The following ATP8B1 variants were observed in gnomAD, a reference collection of about 807,000 sequenced individuals.
The protein encoded by ATP8B1 is phospholipid-transporting ATPase IC.
In ATP8B1, 80 loss-of-function variants were observed where a neutral mutation model predicts 149.9. That is an observed-to-expected ratio of 0.53 (90% CI 0.45 to 0.64). The LOEUF (loss-of-function observed/expected upper bound fraction) is 0.64. Ranked by LOEUF, ATP8B1 falls within the 30% of genes least tolerant of loss-of-function variation. The pLI, the probability that ATP8B1 is intolerant of heterozygous loss-of-function variation, is 0.00. For missense variants in ATP8B1, 1,247 were observed against 1,552.6 expected (o/e 0.80, Z 3.31); for synonymous variants, 536 against 562.8 (o/e 0.95, Z 0.67).
At chr18:57,726,776 G>T (rs2079712880) in intron 2 of ATP8B1, among the ~76,000 whole-genome samples, 1 of 152,128 alleles carries the variant, frequency 6.6e-6, no homozygotes, top group South Asian at 2.1e-4. Context: ...TGTTGCCCAA[G>T]ATCTTAAAAA....
chr18:57,770,512 G>A (rs2080255126), intron 1 of ATP8B1, among the ~76,000 whole-genome samples: 1 of 152,220 alleles, frequency 6.6e-6, no homozygotes, highest in Non-Finnish European at 1.5e-5. Flanking sequence ...GAGACACAAG[G>A]CTCCTTTCTC....
chr18:57,669,271 AT>A (rs1568187485), intron 18 of ATP8B1, 46 bp downstream of exon 18: 1 of 1,535,608 alleles, frequency 6.5e-7, no homozygotes, highest in South Asian at 1.2e-5. Context: ...AAAAATTTCA[AT>A]TCTGCTTAGA....
intron 1 of ATP8B1, among the ~76,000 whole-genome samples, chr18:57,767,512 G>T (rs981974411): frequency 1.3e-5 from 2 of 152,192 alleles, no homozygotes; most frequent in Non-Finnish European, 2.9e-5. Flanking sequence ...TTTGGGCCAG[G>T]CTCGGTGGCT....
intron 1 of ATP8B1, among the ~76,000 whole-genome samples, chr18:57,758,310 A>T (rs2080105181): frequency 7.2e-6 from 1 of 138,240 alleles, no homozygotes. Context: ...AATCGACTTT[A>T]CTGTTTTCTG....
chr18:57,695,752 T>C (rs1912776725), intron 8 of ATP8B1, among the ~76,000 whole-genome samples: 1 of 152,238 alleles, frequency 6.6e-6, no homozygotes, highest in Non-Finnish European at 1.5e-5. Flanking sequence ...TTCCCTTCAC[T>C]GTTTGTTGTT....
intron 1 of ATP8B1, among the ~76,000 whole-genome samples, chr18:57,799,704 C>CAAA (rs4059219): frequency 1.8e-5 from 2 of 111,004 alleles, no homozygotes; most frequent in Non-Finnish European, 3.9e-5. Context: ...GACTCTGTCT[C>CAAA]AAAAAAAAAA....
At chr18:57,779,522 T>C (rs2080339267) in intron 1 of ATP8B1, among the ~76,000 whole-genome samples, 1 of 152,214 alleles carries the variant, frequency 6.6e-6, no homozygotes, top group Admixed American at 6.5e-5. Context: ...TAGCCTAATG[T>C]TCACTTTTTA....
chr18:57,712,526 C>T (rs1054403039), intron 2 of ATP8B1, among the ~76,000 whole-genome samples: 3 of 152,030 alleles, frequency 2.0e-5, no homozygotes, highest in Non-Finnish European at 2.9e-5. Context: ...ACCTCGTCAC[C>T]GAGGGCCAAA....
At chr18:57,731,580 C>T in intron 2 of ATP8B1, 47 bp downstream of exon 2, 20 of 1,602,352 alleles carry the variant, frequency 1.2e-5, no homozygotes, top group Non-Finnish European at 1.7e-5. Flanking sequence ...CCATGACCCA[C>T]ATGAGGATTT....
intron 1 of ATP8B1, among the ~76,000 whole-genome samples, chr18:57,794,346 A>G (rs2080490417): frequency 6.6e-6 from 1 of 151,656 alleles, no homozygotes; most frequent in African/African-American, 2.4e-5. Context: ...ATACCAGGAC[A>G]CCTATAAGCA....
In ATP8B1 at chr18:57,661,218, G is replaced by A. The variant is rs540027832; in HGVS notation, c.2663C>T (p.Thr888Met). 5 of 1,614,006 alleles carry A rather than the reference G, an allele frequency of 3.1e-6. No individual in the cohort carries two copies. Among genetic ancestry groups the A allele is most frequent in the Admixed American group, 1.7e-5 (1 of 60,006 alleles). Residue 888 changes from threonine (T) to methionine (M), a missense_variant, in exon 22 of 28, where the codon ACG (threonine) becomes ATG (methionine). Coordinates refer to ENST00000648908, the MANE Select transcript of ATP8B1 (RefSeq NM_001374385.1). ...DLVKRYKKAI[T>M]LAIGDGANDV... is the part of the protein sequence containing the mutation. ...ATTGGCCCCATCTCCGATGGCCAGC[G>A]TGATGGCTTTCTTGTACCTCTTCAC...
chr18:57,786,142 G>A (rs1420769450), intron 1 of ATP8B1, among the ~76,000 whole-genome samples: 1 of 152,180 alleles, frequency 6.6e-6, no homozygotes, highest in Admixed American at 6.5e-5. Context: ...TGGGGGCTGA[G>A]CTACAACATG....
intron 1 of ATP8B1, among the ~76,000 whole-genome samples, chr18:57,774,188 C>A (rs1157000488): frequency 6.6e-6 from 1 of 151,758 alleles, no homozygotes; most frequent in Admixed American, 6.6e-5. Context: ...ACTGTCCTAG[C>A]TCTAATGTCA....
At chr18:57,701,932 A>T (rs1913149749) in intron 4 of ATP8B1, among the ~76,000 whole-genome samples, 1 of 152,144 alleles carries the variant, frequency 6.6e-6, no homozygotes, top group Admixed American at 6.5e-5. Flanking sequence ...TCCTGACCTC[A>T]GGCAATCCTC....
Position 57,802,277 on chromosome 18 carries a change from C to T in ATP8B1, c.-26+721G>A, listed in dbSNP as rs1302024596. ...CCTCGTGCACACAGCGAGGTGACAG[C>T]GCAGGGCACCAAACTGCTGAGGGAA... On this transcript the variant is annotated intron_variant, in intron 1 of 27. Transcript: ENST00000648908. This position sits in a 1 kb window ranked among gnomAD's most constrained non-coding sequence, Gnocchi z 4.9. Among the ~76,000 whole-genome samples, 2 of 152,182 alleles carry T rather than the reference C, an allele frequency of 1.3e-5. No individual in the cohort carries two copies. Among genetic ancestry groups the T allele is most frequent in the Non-Finnish European group, 2.9e-5 (2 of 68,024 alleles).
At chr18:57,701,675 G>C (rs1458708322) in intron 4 of ATP8B1, among the ~76,000 whole-genome samples, 1 of 151,892 alleles carries the variant, frequency 6.6e-6, no homozygotes, top group African/African-American at 2.4e-5. Flanking sequence ...TGGCAAGGGA[G>C]AAGTCTCGTC....
intron 2 of ATP8B1, among the ~76,000 whole-genome samples, chr18:57,721,218 A>C (rs988996160): frequency 1.1e-4 from 16 of 141,396 alleles, no homozygotes; most frequent in African/African-American, 3.4e-4. Flanking sequence ...CTAACATCAT[A>C]ATGACAGGAT....
At chr18:57,799,673 C>G (rs1448664683) in intron 1 of ATP8B1, among the ~76,000 whole-genome samples, 1 of 149,348 alleles carries the variant, frequency 6.7e-6, no homozygotes, top group East Asian at 2.0e-4. Flanking sequence ...CACTTGCACT[C>G]CAGTCTGGGC....
At chr18:57,714,699 A>G (rs1016519806) in intron 2 of ATP8B1, among the ~76,000 whole-genome samples, 2 of 151,568 alleles carry the variant, frequency 1.3e-5, no homozygotes, top group Non-Finnish European at 2.9e-5. Context: ...AATCCAGATA[A>G]TTCTTCCAGA....
Sources: gnomAD v4.1 joint callset for allele counts (sites outside exome capture counted in the v4.1 genomes callset) on GRCh38, gnomAD v4.1.1 for gene constraint, Gnocchi (gnomAD v3.1) non-coding constraint, MANE v1.5 for transcripts, NCBI Gene and HGNC (gene_info 2026-07-23, HGNC 2026-07-21) for gene names.